The following CDKN2B-AS1 variants were observed in gnomAD, a reference collection of about 807,000 sequenced individuals.
CDKN2B-AS1 encodes CDKN2B antisense RNA 1 (non-protein coding).
chr9:22,074,093 G>T, intron 4 of CDKN2B-AS1, among the ~76,000 whole-genome samples: 1 of 151,980 alleles, frequency 6.6e-6, no homozygotes, highest in East Asian at 1.9e-4. Flanking sequence ...GAACTCCTAG[G>T]CTCAAGTGAT....
intron 4 of CDKN2B-AS1, chr9:22,059,190 C>T (rs1354436329): frequency 6.6e-6 from 1 of 151,958 alleles, no homozygotes; most frequent in African/African-American, 2.4e-5. Flanking sequence ...AGCATTAATC[C>T]AAAAGTCCAC....
intron 1 of CDKN2B-AS1, chr9:22,008,567 A>G: frequency 8.5e-7 from 1 of 1,177,844 alleles, no homozygotes; most frequent in Non-Finnish European, 1.2e-6. Flanking sequence ...TCTGATCATG[A>G]GATGGCAGAA....
chr9:22,003,152 C>T (rs910814937), intron 1 of CDKN2B-AS1: 1 of 217,286 alleles, frequency 4.6e-6, no homozygotes, highest in Non-Finnish European at 9.2e-6. Flanking sequence ...GCTGATGAAA[C>T]AGCTAAACCT....
rs1822811190 is a variant in CDKN2B-AS1 at position 22,039,295 on chromosome 9, C to T, written n.30-7456C>T. On this transcript the variant is annotated intron_variant and non_coding_transcript_variant, in intron 1 of 4. Transcript: ENST00000650946. The surrounding 1 kb of genome is among the most constrained non-coding windows in gnomAD (Gnocchi z 4.4). Reference sequence around the variant, plus strand: ...TAATTTCCTGTGAGCTTCCCATGTTCTCTCCCTGCAAGGACCACCTCAAAT... The same window carrying T: ...TAATTTCCTGTGAGCTTCCCATGTTTTCTCCCTGCAAGGACCACCTCAAAT... 6.6e-6 allele frequency among the ~76,000 whole-genome samples: 1 copy of T among 151,980 alleles called. No individual in the cohort carries two copies. The highest frequency in any genetic ancestry group is 1.5e-5 in the Non-Finnish European group (1 of 67,958).
At chr9:22,036,395 G>A (rs1046230825) in intron 1 of CDKN2B-AS1, among the ~76,000 whole-genome samples, 3 of 151,912 alleles carry the variant, frequency 2.0e-5, no homozygotes, top group Non-Finnish European at 4.4e-5. Context: ...GCAAATCTAG[G>A]CCCCCCAAAA....
At chr9:22,087,656 T>C (rs1437581167) in intron 4 of CDKN2B-AS1, among the ~76,000 whole-genome samples, 1 of 152,238 alleles carries the variant, frequency 6.6e-6, no homozygotes, top group Non-Finnish European at 1.5e-5. Context: ...AGCAATTGTT[T>C]AGTCTGATGT....
Position 22,001,931 on chromosome 9 carries a change from T to C in CDKN2B-AS1, n.29+6770T>C, listed in dbSNP as rs538570586. On this transcript the variant is annotated intron_variant and non_coding_transcript_variant, in intron 1 of 4. Coordinates refer to ENST00000650946, the Ensembl canonical transcript of CDKN2B-AS1. The surrounding 1 kb of genome is among the most constrained non-coding windows in gnomAD (Gnocchi z 4.2). ...TCACTTTTCTTCATTCCCTCTTTCT[T>C]TCCTGTCGTTATAAGTAGAATAGGA... Among the ~76,000 whole-genome samples the C allele has an allele frequency of 6.6e-6, 1 of 152,248 alleles. No homozygotes were observed.
intron 4 of CDKN2B-AS1, among the ~76,000 whole-genome samples, chr9:22,064,193 G>T (rs1401302700): frequency 1.3e-5 from 2 of 152,134 alleles, no homozygotes; most frequent in Non-Finnish European, 2.9e-5. Flanking sequence ...GAGTTCTATT[G>T]TGTCTTGAAG....
chr9:22,014,245 C>T (rs1424208930), intron 1 of CDKN2B-AS1, among the ~76,000 whole-genome samples: 1 of 152,110 alleles, frequency 6.6e-6, no homozygotes, highest in African/African-American at 2.4e-5. Flanking sequence ...TCACTGCAAC[C>T]TGCAACTCCC....
chr9:22,116,033 A>G (rs1357417026), intron 4 of CDKN2B-AS1, among the ~76,000 whole-genome samples: 1 of 152,216 alleles, frequency 6.6e-6, no homozygotes, highest in African/African-American at 2.4e-5. Context: ...GAGCTGCCCA[A>G]TAAATTAGAG....
rs1255958905 is a variant in CDKN2B-AS1, at chr9:21,995,772, G to C, written n.29+611G>C. The C allele has an allele frequency of 2.6e-5, 4 of 152,242 alleles. No individual in the cohort carries two copies. Among genetic ancestry groups the C allele is most frequent in the East Asian group, 1.9e-4 (1 of 5,178 alleles). 9.4% of individuals were successfully genotyped at this position (152,242 alleles called of 1,614,324 possible). A position where few individuals can be genotyped will look rare whatever the true frequency, so the allele number is the denominator to read the frequency against. On this transcript the variant is annotated intron_variant and non_coding_transcript_variant, in intron 1 of 4. Coordinates refer to ENST00000650946, the Ensembl canonical transcript of CDKN2B-AS1. The surrounding 1 kb of genome is among the most constrained non-coding windows in gnomAD (Gnocchi z 5.7). Reference sequence around the variant, plus strand: ...AGGCTCGGCTCTCGTCCAGGAACTCGGACGCGGGCTCGCCGGCTCTCCGCG... The same window carrying C: ...AGGCTCGGCTCTCGTCCAGGAACTCCGACGCGGGCTCGCCGGCTCTCCGCG...
At chr9:22,097,207 G>A (rs1368503755) in intron 4 of CDKN2B-AS1, 1 of 152,220 alleles carries the variant, frequency 6.6e-6, no homozygotes, top group Non-Finnish European at 1.5e-5. Flanking sequence ...CTTGCTGCCT[G>A]TGCTGATGAG....
At chr9:22,030,675 A>T (rs778936844) in intron 1 of CDKN2B-AS1, 4 of 151,920 alleles carry the variant, frequency 2.6e-5, no homozygotes, top group Non-Finnish European at 5.9e-5. Flanking sequence ...TTACTAGGTA[A>T]GTGACTTTAG....
At chr9:22,032,699 C>T (rs1822527448) in intron 1 of CDKN2B-AS1, 1 of 151,836 alleles carries the variant, frequency 6.6e-6, no homozygotes, top group African/African-American at 2.4e-5. Context: ...GATCTGTCAT[C>T]AATACCACTT....
At chr9:22,086,707 C>A (rs72652416) in intron 4 of CDKN2B-AS1, among the ~76,000 whole-genome samples, 9 of 152,128 alleles carry the variant, frequency 5.9e-5, no homozygotes, top group Admixed American at 2.0e-4. Flanking sequence ...AGAATGATTA[C>A]CAGCCAATCA....
At chr9:22,122,817 T>C (rs1826127782) in intron 4 of CDKN2B-AS1, among the ~76,000 whole-genome samples, 2 of 152,098 alleles carry the variant, frequency 1.3e-5, no homozygotes, top group African/African-American at 4.8e-5. Context: ...TATACTTTGA[T>C]GTCTGGTAGT....
chr9:22,042,396 A>T (rs1195084274), intron 1 of CDKN2B-AS1, among the ~76,000 whole-genome samples: 3 of 152,110 alleles, frequency 2.0e-5, no homozygotes, highest in Non-Finnish European at 4.4e-5. Context: ...GAGCTCAGTA[A>T]TCCAAATCCT....
intron 4 of CDKN2B-AS1, among the ~76,000 whole-genome samples, chr9:22,125,847 A>G (rs1003747789): frequency 1.3e-5 from 2 of 152,236 alleles, no homozygotes; most frequent in Non-Finnish European, 2.9e-5. Context: ...AATAATATAT[A>G]ACAACTGAAA....
At chr9:22,022,538 C>G (rs533406896) in intron 1 of CDKN2B-AS1, among the ~76,000 whole-genome samples, 56 of 152,128 alleles carry the variant, frequency 3.7e-4, no homozygotes, top group African/African-American at 1.3e-3. Flanking sequence ...TTGAGCCTAT[C>G]TCATTGCATG....
Sources: allele counts gnomAD v4.1 joint callset (sites outside exome capture counted in the v4.1 genomes callset), GRCh38; gene constraint gnomAD v4.1.1; non-coding constraint Gnocchi (gnomAD v3.1); transcripts MANE v1.5; gene names NCBI Gene and HGNC (gene_info 2026-07-23, HGNC 2026-07-21).